VAT1L: variants seen among roughly 807,000 people sequenced by gnomAD.
VAT1L encodes putative NADPH-dependent quinone oxidoreductase VAT1L.
A neutral mutation model predicts 44.1 loss-of-function variants in VAT1L; 34 were observed. The observed-to-expected ratio is 0.77, with a 90% CI of 0.59 to 1.03. The LOEUF is 1.03. Among genes scored for constraint, VAT1L ranks in the 50% least tolerant of loss-of-function variants. VAT1L has a pLI of 0.00. For missense variants in VAT1L, 615 were observed against 538.8 expected (o/e 1.14, Z -1.40); for synonymous variants, 253 against 202.2 (o/e 1.25, Z -2.13).
At chr16:77,847,056 A>G (rs1047408457) in intron 3 of VAT1L, among the ~76,000 whole-genome samples, 1 of 152,180 alleles carries the variant, frequency 6.6e-6, no homozygotes, top group East Asian at 1.9e-4. Flanking sequence ...TTTTATAAAG[A>G]GCTTAGTAGA....
chr16:77,894,979 A>G (rs1259813491), intron 7 of VAT1L, among the ~76,000 whole-genome samples: 1 of 151,820 alleles, frequency 6.6e-6, no homozygotes, highest in Non-Finnish European at 1.5e-5. Context: ...ATTGGGCTCC[A>G]GAAGCAATTG....
rs183895925 is a variant in VAT1L, at chr16:77,839,612, C to G, written c.579+14151C>G. Reference sequence around the variant, plus strand: ...GAGACCTGGGCATTTGACAAACTGACCAGAGTATGACAAGTGAGAAGGAGA... The same window carrying G: ...GAGACCTGGGCATTTGACAAACTGAGCAGAGTATGACAAGTGAGAAGGAGA... On this transcript the variant is annotated intron_variant, in intron 3 of 8. Coordinates refer to ENST00000302536, the MANE Select transcript of VAT1L (RefSeq NM_020927.3). 1.1e-3 allele frequency among the ~76,000 whole-genome samples: 147 copies of G among 139,934 alleles called. 2 individuals are homozygous for G. The highest frequency in any genetic ancestry group is 1.1e-3 in the East Asian group (5 of 4,576). 91.8% of individuals were successfully genotyped at this position (139,934 alleles called of 152,430 possible). A position where few individuals can be genotyped will look rare whatever the true frequency, so the allele number is the denominator to read the frequency against.
intron 7 of VAT1L, among the ~76,000 whole-genome samples, chr16:77,968,155 G>C (rs971699790): frequency 6.6e-6 from 1 of 152,130 alleles, no homozygotes; most frequent in Non-Finnish European, 1.5e-5. Flanking sequence ...CCCAGTTTCT[G>C]TGAGTGGGGA....
intron 3 of VAT1L, among the ~76,000 whole-genome samples, chr16:77,853,144 G>C (rs2016823661): frequency 6.6e-6 from 1 of 152,202 alleles, no homozygotes; most frequent in Non-Finnish European, 1.5e-5. Context: ...CTGGAGCAGA[G>C]CTGTGACAGG....
At chr16:77,819,362 T>C (rs1258063492) in intron 2 of VAT1L, among the ~76,000 whole-genome samples, 1 of 152,054 alleles carries the variant, frequency 6.6e-6, no homozygotes, top group Non-Finnish European at 1.5e-5. Context: ...CTGAAGATGA[T>C]ATTCTTTTCT....
intron 5 of VAT1L, among the ~76,000 whole-genome samples, chr16:77,878,965 C>G (rs753746544): frequency 3.9e-5 from 6 of 152,188 alleles, no homozygotes; most frequent in Admixed American, 1.3e-4. Context: ...TGAGAAATGT[C>G]ACTTTCTCTT....
chr16:77,940,042 A>G (rs2017859307), intron 7 of VAT1L, among the ~76,000 whole-genome samples: 1 of 152,204 alleles, frequency 6.6e-6, no homozygotes, highest in African/African-American at 2.4e-5. Context: ...GAAATTTTCC[A>G]AGGCAGGAGA....
At chr16:77,794,678 C>G (rs999917713) in intron 1 of VAT1L, among the ~76,000 whole-genome samples, 1 of 152,140 alleles carries the variant, frequency 6.6e-6, no homozygotes, top group African/African-American at 2.4e-5. Flanking sequence ...TAAGATGTTG[C>G]TCAGAGGGTT....
At chr16:77,935,219 TAGG>T (rs2017779072) in intron 7 of VAT1L, among the ~76,000 whole-genome samples, 1 of 152,184 alleles carries the variant, frequency 6.6e-6, no homozygotes, top group Non-Finnish European at 1.5e-5. Flanking sequence ...TTTTAGGTTG[TAGG>T]AGATGTCTCT....
intron 3 of VAT1L, among the ~76,000 whole-genome samples, chr16:77,843,908 C>T (rs951926875): frequency 6.6e-6 from 1 of 152,230 alleles, no homozygotes; most frequent in Non-Finnish European, 1.5e-5. Context: ...CTGCCTTCCT[C>T]TGCCAGGGAG....
At chr16:77,817,238 G>C (rs1306880989) in intron 2 of VAT1L, among the ~76,000 whole-genome samples, 188 bp downstream of exon 2, 3 of 152,112 alleles carry the variant, frequency 2.0e-5, no homozygotes, top group African/African-American at 7.2e-5. Context: ...TATCTTGGTT[G>C]CTCCTGGCAG....
intron 7 of VAT1L, among the ~76,000 whole-genome samples, chr16:77,969,857 A>C (rs2018260112): frequency 6.6e-6 from 1 of 152,032 alleles, no homozygotes; most frequent in Non-Finnish European, 1.5e-5. Flanking sequence ...TACAAAAATA[A>C]AAGGAATCTA....
chr16:77,827,636 AT>A (rs1269526699), intron 3 of VAT1L, among the ~76,000 whole-genome samples: 1 of 152,202 alleles, frequency 6.6e-6, no homozygotes, highest in African/African-American at 2.4e-5. Flanking sequence ...AAGTTGTACA[AT>A]TTTGTCTCTT....
At chr16:77,835,134 G>A (rs1361186353) in intron 3 of VAT1L, among the ~76,000 whole-genome samples, 2 of 152,056 alleles carry the variant, frequency 1.3e-5, no homozygotes, top group African/African-American at 4.8e-5. Flanking sequence ...CTGCCACGTC[G>A]TAAATGCAGT....
intron 7 of VAT1L, among the ~76,000 whole-genome samples, chr16:77,891,246 C>T (rs954010005): frequency 2.2e-4 from 34 of 151,866 alleles, no homozygotes; most frequent in African/African-American, 6.3e-4. Context: ...CCCAGCTACT[C>T]GGGAGGCTGA....
At chr16:77,898,334 G>A (rs1029016432) in intron 7 of VAT1L, among the ~76,000 whole-genome samples, 6 of 152,106 alleles carry the variant, frequency 3.9e-5, no homozygotes, top group Admixed American at 1.3e-4. Context: ...AAGAGGGGGG[G>A]GACACAGTTA....
chr16:77,945,278 C>CTCTTTTTTT (rs2017946530), intron 7 of VAT1L, among the ~76,000 whole-genome samples: 3 of 83,062 alleles, frequency 3.6e-5, no homozygotes, highest in East Asian at 8.8e-4. Flanking sequence ...GATTGCAGAA[C>CTCTTTTTTT]TTTTTTTTTT....
At chr16:77,834,067 C>T (rs1327842767) in intron 3 of VAT1L, among the ~76,000 whole-genome samples, 3 of 152,232 alleles carry the variant, frequency 2.0e-5, no homozygotes, top group Non-Finnish European at 4.4e-5. Flanking sequence ...TGGTTCTCCA[C>T]ACATACCAAT....
At chr16:77,803,585 A>T (rs1365655621) in intron 1 of VAT1L, among the ~76,000 whole-genome samples, 2 of 151,618 alleles carry the variant, frequency 1.3e-5, no homozygotes, top group Non-Finnish European at 2.9e-5. Flanking sequence ...ACGCCCGGCT[A>T]ATTTTTTGTA....
Sources: gnomAD v4.1 joint callset for allele counts (sites outside exome capture counted in the v4.1 genomes callset) on GRCh38, gnomAD v4.1.1 for gene constraint, MANE v1.5 for transcripts, NCBI Gene and HGNC (gene_info 2026-07-23, HGNC 2026-07-21) for gene names.